The following PSME2 variants were observed in gnomAD, a reference collection of about 807,000 sequenced individuals.
The protein encoded by PSME2 is proteasome activator complex subunit 2.
In PSME2, 20 loss-of-function variants were observed where a neutral mutation model predicts 38.8. The observed-to-expected ratio is 0.52, with a 90% CI of 0.36 to 0.75. The LOEUF is 0.75. Ranked by LOEUF, PSME2 falls within the 30% of genes least tolerant of loss-of-function variation. The pLI, the probability that PSME2 is intolerant of heterozygous loss-of-function variation, is 0.00. For missense variants in PSME2, 227 were observed against 287.6 expected (o/e 0.79, Z 1.52); for synonymous variants, 82 against 102.5 (o/e 0.80, Z 1.21).
At position 24,146,575 on chromosome 14, in the gene PSME2, T is replaced by C; in HGVS notation, c.7A>G (p.Lys3Glu). Residue 3 changes from lysine to glutamate, a missense_variant, in exon 1 of 11, where the codon AAG becomes GAG. Around this residue, in one of 3 missense-constraint regions of PSME2, gnomAD observed 80 missense variants for 77.3 expected, o/e 1.04. Coordinates refer to ENST00000216802, the MANE Select transcript of PSME2 (RefSeq NM_002818.3). MA[K>E]PCGVRLSGEA... is the part of the protein sequence containing the mutation. ...CCGCTCAGGCGCACCCCACACGGCT[T>C]GGCCATGCTGCTTCAGTCGCTAGAT... 1.2e-6 allele frequency: 2 copies of C among 1,613,676 alleles called. No individual in the cohort carries two copies. Among genetic ancestry groups the C allele is most frequent in the Non-Finnish European group, 1.7e-6 (2 of 1,180,030 alleles).
chr14:24,144,176 C>T lies in PSME2; in HGVS notation c.497+16G>A. 1 of 1,614,238 alleles carries T rather than the reference C, an allele frequency of 6.2e-7. No homozygotes were observed. The highest frequency in any genetic ancestry group is 1.1e-5 in the South Asian group (1 of 91,090). ...GCTCCTACTGCCCCCAATGCTGGTC[C>T]TCCAGCTGCCCTCACTTGGAAATGG... On this transcript the variant is annotated intron_variant, in intron 8 of 10. Coordinates refer to ENST00000216802, the MANE Select transcript of PSME2 (RefSeq NM_002818.3).
intron 2 of PSME2, chr14:24,146,007 G>A (rs1594370675): frequency 5.0e-6 from 4 of 805,508 alleles, no homozygotes; most frequent in Non-Finnish European, 8.3e-6. Flanking sequence ...AAAGACGGGA[G>A]AAGTGCCAGA....
rs201835240 is a variant in PSME2, at chr14:24,143,556, C to G, written c.639+29G>C. The G allele has an allele frequency of 6.2e-7, 1 of 1,613,394 alleles. No homozygotes were observed. Among genetic ancestry groups the G allele is most frequent in the South Asian group, 1.1e-5 (1 of 91,056 alleles). On this transcript the variant is annotated intron_variant, in intron 10 of 10. Transcript: ENST00000216802. The surrounding 1 kb of genome is among the most constrained non-coding windows in gnomAD (Gnocchi z 4.4). ...TCCCCTGCCTGCCCCCACTCATCCA[C>G]CTCCCCTAAAGCCTTACTCCACACT... is the stretch of plus-strand genomic sequence containing the variant.
intron 3 of PSME2, 103 bp downstream of exon 3, chr14:24,145,607 T>C (rs2045256990): frequency 1.3e-6 from 2 of 1,489,174 alleles, no homozygotes; most frequent in South Asian, 2.3e-5. Flanking sequence ...TAATCCACTA[T>C]TTGAAACTAT....
At position 24,145,051 on chromosome 14, in the gene PSME2, G is replaced by A; in HGVS notation, c.360+7C>T. Reference sequence around the variant, plus strand: ...CTCTTTCTGCTTCCCCCATTTCCCAGGCTTACCAGAATGCATTTCTCTTTG... The same window carrying A: ...CTCTTTCTGCTTCCCCCATTTCCCAAGCTTACCAGAATGCATTTCTCTTTG... On this transcript the variant is annotated splice_region_variant and intron_variant, in intron 6 of 10. Transcript: ENST00000216802. The A allele has an allele frequency of 6.2e-7, 1 of 1,608,722 alleles. No homozygotes were observed. Among genetic ancestry groups the A allele is most frequent in the Non-Finnish European group, 8.5e-7 (1 of 1,175,134 alleles).
In PSME2 at chr14:24,144,420, C is replaced by A; in HGVS notation, c.409G>T (p.Asp137Tyr). ...CTTACCTGGATTGCTACCCCAAAAT[C>A]ATTTCCATCTTCAATCTTGGGGATC... ...HLIPKIEDGNDFGVAIQEKVL... is the reference protein window; with the variant it reads ...HLIPKIEDGNYFGVAIQEKVL... The change falls in exon 7 of 11, where the codon GAT (aspartate) becomes TAT (tyrosine). Residue 137 changes from aspartate to tyrosine, a missense_variant. Physicochemically the swap from Asp to Tyr is radical, Grantham distance 160. Coordinates refer to ENST00000216802, the MANE Select transcript of PSME2 (RefSeq NM_002818.3). The A allele has an allele frequency of 6.2e-7, 1 of 1,613,734 alleles. No homozygotes were observed. Among genetic ancestry groups the A allele is most frequent in the Non-Finnish European group, 8.5e-7 (1 of 1,179,600 alleles).
At chr14:24,144,114 T>C in intron 8 of PSME2, 78 bp downstream of exon 8, 1 of 1,611,254 alleles carries the variant, frequency 6.2e-7, no homozygotes, top group Non-Finnish European at 8.5e-7. Flanking sequence ...CCCATCATCC[T>C]GATAGGGCTG....
In PSME2 at chr14:24,143,661, CGGTAATCCATCTGCAATGTGGGAG is replaced by C; in HGVS notation, c.553-14_562del. On this transcript the variant is annotated splice_acceptor_variant and splice_polypyrimidine_tract_variant and coding_sequence_variant and intron_variant, in exon 10 of 11. Coordinates refer to ENST00000216802, the MANE Select transcript of PSME2 (RefSeq NM_002818.3). LOFTEE classifies it high-confidence loss of function. The surrounding 1 kb of genome is among the most constrained non-coding windows in gnomAD (Gnocchi z 4.4). ...CTCATCTCGCTCATGCACCAAGGCC[CGGTAATCCATCTGCAATGTGGGAG>C]GCAAAGCTGAGTCAGTCCCATGGGA... 6.2e-7 allele frequency: 1 copy of C among 1,614,034 alleles called. No individual in the cohort carries two copies. Among genetic ancestry groups the C allele is most frequent in the South Asian group, 1.1e-5 (1 of 91,070 alleles).
rs1195642450 is a variant in PSME2, at chr14:24,144,278, CA to C, written c.430-20del. ...CCTTCTCCTGTGGTGACACGGGAGG[CA>C]AAGACAACACTTCATGTCCTCCCCA... On this transcript the variant is annotated intron_variant, in intron 7 of 10. Coordinates refer to ENST00000216802, the MANE Select transcript of PSME2 (RefSeq NM_002818.3). The C allele has an allele frequency of 1.2e-6, 2 of 1,613,910 alleles. No individual in the cohort carries two copies. Among genetic ancestry groups the C allele is most frequent in the Admixed American group, 3.3e-5 (2 of 60,022 alleles).
intron 3 of PSME2, 31 bp downstream of exon 3, chr14:24,145,679 G>A (rs1442159739): frequency 1.3e-6 from 2 of 1,599,852 alleles, no homozygotes; most frequent in Admixed American, 1.7e-5. Flanking sequence ...AGAGGACATA[G>A]GATGGGGCAG....
In PSME2 at chr14:24,143,967, C is replaced by A. The variant is rs374822035; in HGVS notation, c.552+8G>T. 4.3e-6 allele frequency: 7 copies of A among 1,613,370 alleles called. No individual in the cohort carries two copies. The African/African-American group carries it at 5.3e-5, about 12-fold the overall frequency. On this transcript the variant is annotated splice_region_variant and intron_variant, in intron 9 of 10. Coordinates refer to ENST00000216802, the MANE Select transcript of PSME2 (RefSeq NM_002818.3). The surrounding 1 kb of genome is among the most constrained non-coding windows in gnomAD (Gnocchi z 4.4). ...CCCAGCTAAAAGGCTGGTGGACTAT[C>A]CACTCACTACATGAGTCTCCTTGGA...
In PSME2 at chr14:24,143,832, A is replaced by C; in HGVS notation, c.552+143T>G. On this transcript the variant is annotated intron_variant, in intron 9 of 10. Coordinates refer to ENST00000216802, the MANE Select transcript of PSME2 (RefSeq NM_002818.3). The surrounding 1 kb of genome is among the most constrained non-coding windows in gnomAD (Gnocchi z 4.4). Reference sequence around the variant, plus strand: ...GCAGAGAAAAGGGTCAAGGTTGTTGAAGCCCAAACCAGTTTTTCTAGGTAA... The same window carrying C: ...GCAGAGAAAAGGGTCAAGGTTGTTGCAGCCCAAACCAGTTTTTCTAGGTAA... The C allele has an allele frequency of 7.6e-7, 1 of 1,311,896 alleles. No individual in the cohort carries two copies. Among genetic ancestry groups the C allele is most frequent in the South Asian group, 1.3e-5 (1 of 79,510 alleles). The allele number at this position is 1,311,896 out of a possible 1,614,324, so 81.3% of individuals were successfully genotyped here. A position where few individuals can be genotyped will look rare whatever the true frequency, so the allele number is the denominator to read the frequency against.
chr14:24,143,705 A>G lies in PSME2; in HGVS notation c.553-34T>C, dbSNP rs1241199843. On this transcript the variant is annotated intron_variant, in intron 9 of 10. Transcript: ENST00000216802. This position sits in a 1 kb window ranked among gnomAD's most constrained non-coding sequence, Gnocchi z 4.4. ...TGGGAGGCAAAGCTGAGTCAGTCCC[A>G]TGGGAGGCTGGGACATGAGTCTGGT... The G allele has an allele frequency of 1.2e-6, 2 of 1,603,230 alleles. No individual in the cohort carries two copies. Among genetic ancestry groups the G allele is most frequent in the Non-Finnish European group, 1.7e-6 (2 of 1,170,640 alleles).
At chr14:24,145,644 G>A in intron 3 of PSME2, 66 bp downstream of exon 3, 7 of 1,536,610 alleles carry the variant, frequency 4.6e-6, no homozygotes, top group Non-Finnish European at 6.3e-6. Flanking sequence ...CCAGTTGTTA[G>A]CTAGAGAGGG....
chr14:24,146,028 G>A, intron 2 of PSME2, 180 bp downstream of exon 2: 4 of 855,140 alleles, frequency 4.7e-6, no homozygotes, highest in South Asian at 2.9e-5. Context: ...AGTCGGGAGA[G>A]TCATAAGAAA....
intron 6 of PSME2, 71 bp from the exon 7 acceptor site, chr14:24,144,539 T>C: frequency 6.9e-7 from 1 of 1,445,506 alleles, no homozygotes; most frequent in Non-Finnish European, 9.7e-7. Flanking sequence ...TGTCACTTCC[T>C]AAAAAAAGTT....
chr14:24,145,495 C>T, intron 3 of PSME2, 30 bp from the exon 4 acceptor site: 1 of 1,534,698 alleles, frequency 6.5e-7, no homozygotes, highest in Non-Finnish European at 8.8e-7. Context: ...AAGGGCTGCC[C>T]AACCTCTTCC....
Position 24,144,461 on chromosome 14 carries a change from G to T in PSME2, c.368C>A (p.Thr123Lys). The T allele has an allele frequency of 1.2e-6, 2 of 1,611,196 alleles. No individual in the cohort carries two copies. Among genetic ancestry groups the T allele is most frequent in the Non-Finnish European group, 1.7e-6 (2 of 1,177,318 alleles). Residue 123 changes from threonine (T) to lysine (K), a missense_variant, in exon 7 of 11, where the codon ACA (threonine) becomes AAA (lysine). By Grantham distance (78) the Thr-to-Lys change is moderately conservative. Transcript: ENST00000216802. ...CTTGGGGATCAGGTGTTGGATCCATGTAATCACCTGTGTTAAGAGGTATCA... is the reference window on the plus strand; with the variant it reads ...CTTGGGGATCAGGTGTTGGATCCATTTAATCACCTGTGTTAAGAGGTATCA... ...TLKEKCILVI[T>K]WIQHLIPKIE...
chr14:24,145,604 C>T, intron 3 of PSME2, 106 bp downstream of exon 3: 1 of 1,474,192 alleles, frequency 6.8e-7, no homozygotes, highest in Non-Finnish European at 9.5e-7. Context: ...TCCTAATCCA[C>T]TATTTGAAAC....
Sources: gnomAD v4.1 joint callset for allele counts on GRCh38, gnomAD v4.1.1 for gene constraint, gnomAD v4.1.1 regional missense constraint, Gnocchi (gnomAD v3.1) non-coding constraint, MANE v1.5 for transcripts, NCBI Gene and HGNC (gene_info 2026-07-23, HGNC 2026-07-21) for gene names.